The following COL22A1 variants were observed in gnomAD, a reference collection of about 807,000 sequenced individuals.
COL22A1 encodes the protein collagen type XXII alpha 1 chain.
A neutral mutation model predicts 248.9 loss-of-function variants in COL22A1; 221 were observed. The observed-to-expected ratio is 0.89, with a 90% CI of 0.80 to 0.99. The LOEUF (loss-of-function observed/expected upper bound fraction) is 0.99. Ranked by LOEUF, COL22A1 falls within the 50% of genes least tolerant of loss-of-function variation. The pLI is 0.00. For missense variants in COL22A1, 2,240 were observed against 2,179.0 expected, an observed-to-expected ratio of 1.03 and a Z score of -0.56; for synonymous variants, 891 against 793.4, an observed-to-expected ratio of 1.12 and a Z score of -2.07.
At chr8:138,718,417 A>T (rs1829612801) in intron 27 of COL22A1, among the ~76,000 whole-genome samples, 1 of 152,202 alleles carries the variant, frequency 6.6e-6, no homozygotes, top group South Asian at 2.1e-4. Context: ...TTTAAAAAAA[A>T]AATTGAAGAC....
chr8:138,773,015 G>A (rs753728730), intron 16 of COL22A1, among the ~76,000 whole-genome samples: 1 of 152,244 alleles, frequency 6.6e-6, no homozygotes, highest in Non-Finnish European at 1.5e-5. Context: ...TGCAGACACT[G>A]AGGCTGGGGA....
At chr8:138,614,296 A>G (rs1819136213) in intron 55 of COL22A1, among the ~76,000 whole-genome samples, 1 of 152,188 alleles carries the variant, frequency 6.6e-6, no homozygotes, top group African/African-American at 2.4e-5. Flanking sequence ...CTGAGTCACC[A>G]GGGTGAAAAA....
chr8:138,733,847 T>C (rs1437758003), intron 23 of COL22A1, among the ~76,000 whole-genome samples: 1 of 152,120 alleles, frequency 6.6e-6, no homozygotes, highest in African/African-American at 2.4e-5. Context: ...TGCTTGAGAG[T>C]AGGACCCTGA....
At chr8:138,778,924 G>A (rs1814715982) in intron 14 of COL22A1, among the ~76,000 whole-genome samples, 1 of 152,182 alleles carries the variant, frequency 6.6e-6, no homozygotes, top group Non-Finnish European at 1.5e-5. Flanking sequence ...TATTGCCTCT[G>A]AACAACTAGT....
chr8:138,598,929 T>C (rs1294426412), intron 60 of COL22A1, 31 bp from the exon 61 acceptor site: 2 of 1,611,028 alleles, frequency 1.2e-6, no homozygotes, highest in Middle Eastern at 1.7e-4. Flanking sequence ...TCAGCATGTG[T>C]CTCAGGGCTG....
chr8:138,703,965 C>T (rs561578340), intron 30 of COL22A1, among the ~76,000 whole-genome samples: 1 of 152,310 alleles, frequency 6.6e-6, no homozygotes, highest in Admixed American at 6.5e-5. Context: ...AAACGGCACA[C>T]CAGAAGAATA....
intron 55 of COL22A1, 46 bp downstream of exon 55, chr8:138,615,955 C>T (rs1252087906): frequency 1.4e-6 from 2 of 1,477,240 alleles, no homozygotes; most frequent in African/African-American, 1.4e-5. Context: ...CTTGATACAC[C>T]CACCCCCAGC....
At chr8:138,692,262 G>GGAGGTGTGTGTGTGTACATGGGTGTA (rs1564201708) in intron 35 of COL22A1, among the ~76,000 whole-genome samples, 1 of 143,596 alleles carries the variant, frequency 7.0e-6, no homozygotes, top group Non-Finnish European at 1.5e-5. Flanking sequence ...GTGTGCGTGT[G>GGAGGTGTGTGTGTGTACATGGGTGTA]TGCATGTTTG....
chr8:138,811,671 G>A (rs1818238356), intron 9 of COL22A1, 128 bp downstream of exon 9: 3 of 1,034,218 alleles, frequency 2.9e-6, no homozygotes, highest in Non-Finnish European at 4.5e-6. Flanking sequence ...CACAACACAG[G>A]GTGCTGTCAG....
At position 138,589,373 on chromosome 8, in the gene COL22A1, T is replaced by C. The variant is rs1434751834; in HGVS notation, c.4761A>G (p.Thr1587=). The part of the protein sequence containing the change: ...LPGIPGPQGE[T]GPAGHPGLPG... The stretch of plus-strand genomic sequence containing the variant: ...GGAGGCCAGGATGTCCAGCTGGTCC[T>C]GTCTCCCCTTGAGGGCCAGGGATCC... The change falls in exon 65 of 65, where the codon ACA becomes ACG. Residue 1587 remains threonine, a synonymous_variant. Transcript: ENST00000303045. 5.6e-6 allele frequency: 9 copies of C among 1,608,552 alleles called. No homozygotes were observed. In the African/African-American group the frequency reaches 8.0e-5, roughly 14 times the overall value.
At chr8:138,896,801 C>T (rs767300503) in intron 1 of COL22A1, among the ~76,000 whole-genome samples, 21 of 152,094 alleles carry the variant, frequency 1.4e-4, no homozygotes, top group Admixed American at 1.3e-4. Context: ...GACGAAACCC[C>T]GTCTCTGCTA....
Position 138,646,612 on chromosome 8 carries a change from T to G in COL22A1, c.3501+17A>C. ...AGCAGAATAGATCCATGCAGATGGT[T>G]ATGAAGTCTCACTGACCTGTGGTCC... On this transcript the variant is annotated intron_variant, in intron 47 of 64. Transcript: ENST00000303045. 1 of 1,568,952 alleles carries G rather than the reference T, an allele frequency of 6.4e-7. No individual in the cohort carries two copies.
Position 138,842,561 on chromosome 8 carries a change from G to A in COL22A1, c.733+1523C>T, listed in dbSNP as rs1009715343. Among the ~76,000 whole-genome samples the A allele has an allele frequency of 3.3e-5, 5 of 152,306 alleles. No individual in the cohort carries two copies. In the East Asian group the frequency reaches 7.7e-4, roughly 24 times the overall value. On this transcript the variant is annotated intron_variant, in intron 4 of 64. Transcript: ENST00000303045. ...TAGATTATCCGAGAGCCAGAGCCTC[G>A]CTGGGGATTACCAAGGCAAAAAGTG... is the stretch of plus-strand genomic sequence containing the variant.
At chr8:138,602,241 C>T (rs1818082893) in intron 59 of COL22A1, 82 bp from the exon 60 acceptor site, 2 of 1,510,666 alleles carry the variant, frequency 1.3e-6, no homozygotes, top group Non-Finnish European at 1.8e-6. Context: ...CTTCACAGTC[C>T]TGCATGCTGA....
At chr8:138,886,156 G>C (rs1045134689) in intron 1 of COL22A1, among the ~76,000 whole-genome samples, 1 of 152,208 alleles carries the variant, frequency 6.6e-6, no homozygotes, top group Non-Finnish European at 1.5e-5. Flanking sequence ...TGATGAATGA[G>C]TGGATGAATG....
chr8:138,690,342 C>T (rs1427955277), intron 36 of COL22A1, among the ~76,000 whole-genome samples: 1 of 152,130 alleles, frequency 6.6e-6, no homozygotes, highest in Non-Finnish European at 1.5e-5. Context: ...GGCAGAATCT[C>T]GTCAGGCCAA....
chr8:138,809,921 T>C (rs1029384374), intron 9 of COL22A1, among the ~76,000 whole-genome samples: 2 of 152,238 alleles, frequency 1.3e-5, no homozygotes, highest in African/African-American at 4.8e-5. Context: ...TATGTATTAG[T>C]AGCTGAAAAT....
rs753920379 is a variant in COL22A1 at position 138,900,808 on chromosome 8, C to G, written c.-73+12811G>C. 4.8e-3 allele frequency among the ~76,000 whole-genome samples: 733 copies of G among 152,234 alleles called. 5 individuals carry two copies. The highest frequency in any genetic ancestry group is 8.1e-3 in the Non-Finnish European group (548 of 68,022). ...ACCGGGTGTAGCAGTGTTCCTGCCT[C>G]CATCCAGCTTACTTTCTAGAGAGAG... On this transcript the variant is annotated intron_variant, in intron 1 of 64. Transcript: ENST00000303045.
intron 23 of COL22A1, among the ~76,000 whole-genome samples, chr8:138,732,436 T>C (rs554228167): frequency 2.0e-5 from 3 of 152,204 alleles, no homozygotes; most frequent in Non-Finnish European, 4.4e-5. Flanking sequence ...ACTATGTCAA[T>C]GGACTTGGAC....
Sources: allele counts gnomAD v4.1 joint callset (sites outside exome capture counted in the v4.1 genomes callset), GRCh38; gene constraint gnomAD v4.1.1; transcripts MANE v1.5; gene names NCBI Gene and HGNC (gene_info 2026-07-23, HGNC 2026-07-21).